The following RABGEF1 variants were observed in gnomAD, a reference collection of about 807,000 sequenced individuals.
The protein encoded by RABGEF1 is rab5 GDP/GTP exchange factor.
In RABGEF1, 26 loss-of-function variants were observed where a neutral mutation model predicts 57.3. The observed-to-expected ratio is 0.45, with a 90% CI of 0.33 to 0.63. The LOEUF (loss-of-function observed/expected upper bound fraction) is 0.63, where lower values mean the gene tolerates loss of function less well. RABGEF1 is among the 20% of genes least tolerant of loss of function. The pLI, the probability that RABGEF1 is intolerant of heterozygous loss-of-function variation, is 0.02. For missense variants in RABGEF1, 464 were observed against 607.6 expected, an observed-to-expected ratio of 0.76 and a Z score of 2.48; for synonymous variants, 185 against 210.7, an observed-to-expected ratio of 0.88 and a Z score of 1.06.
chr7:66,666,140 G>A, the RABGEF1 span: 1 of 152,422 alleles, frequency 6.6e-6, no homozygotes, highest in East Asian at 1.9e-4. Context: ...GGGGCAGAAT[G>A]TCAGCCGGCA....
intron 1 of RABGEF1, among the ~76,000 whole-genome samples, chr7:66,708,349 G>A (rs1229403885): frequency 4.6e-5 from 7 of 151,574 alleles, no homozygotes; most frequent in African/African-American, 1.7e-4. Context: ...GTGCAGTGGC[G>A]CAATCTTGGC....
intron 1 of RABGEF1, among the ~76,000 whole-genome samples, chr7:66,690,063 A>G (rs908673741): frequency 2.0e-5 from 3 of 151,256 alleles, no homozygotes; most frequent in Non-Finnish European, 4.4e-5. Flanking sequence ...CAAGAAAACA[A>G]CTGATCAATA....
intron 1 of RABGEF1, among the ~76,000 whole-genome samples, chr7:66,745,206 T>A (rs1290360149): frequency 6.8e-6 from 1 of 147,398 alleles, no homozygotes; most frequent in African/African-American, 2.5e-5. Flanking sequence ...AAAAAAAAAA[T>A]GATATCAGTA....
rs1156551002 is a variant in RABGEF1, at chr7:66,729,495, C to CATCCTCACCTTCAACCTCACCTTT, written c.-814-10463_-814-10440dup. Among the ~76,000 whole-genome samples, 100 of 152,342 alleles carry CATCCTCACCTTCAACCTCACCTTT rather than the reference C, an allele frequency of 6.6e-4. 1 individual carries two copies. The highest frequency in any genetic ancestry group is 2.5e-3 in the South Asian group (12 of 4,826). On this transcript the variant is annotated intron_variant and NMD_transcript_variant, in intron 2 of 9. Coordinates refer to the RABGEF1 transcript ENST00000607882. ...TCCTCCTGCTCTCCATCCTCACCTCCATCCTCACCTTCAACCTCACCTTTA... is the reference window on the plus strand; with the variant it reads ...TCCTCCTGCTCTCCATCCTCACCTCCATCCTCACCTTCAACCTCACCTTTATCCTCACCTTCAACCTCACCTTTA...
intron 3 of RABGEF1, among the ~76,000 whole-genome samples, chr7:66,777,644 C>T (rs117333571): frequency 0.015 from 2,221 of 152,150 alleles, 59 homozygotes; most frequent in East Asian, 0.094. Flanking sequence ...ATTTCTGGAG[C>T]TGGGTGCAGT....
chr7:66,748,005 A>C (rs1011424359), intron 1 of RABGEF1, among the ~76,000 whole-genome samples: 5 of 152,322 alleles, frequency 3.3e-5, no homozygotes, highest in Non-Finnish European at 7.3e-5. Context: ...CTGAAGTCTT[A>C]AGTGCAGAGG....
chr7:66,688,292 A>C (rs577155124), intron 1 of RABGEF1, among the ~76,000 whole-genome samples: 1 of 152,270 alleles, frequency 6.6e-6, no homozygotes, highest in South Asian at 2.1e-4. Flanking sequence ...AAAGGGTAGA[A>C]TTGAAGGGAA....
the RABGEF1 span, among the ~76,000 whole-genome samples, chr7:66,671,385 G>GACC: frequency 0.1 from 15,674 of 152,178 alleles, 982 homozygotes; most frequent in South Asian, 0.2. Flanking sequence ...CATCTGTGTG[G>GACC]AGAGGAATAA....
At chr7:66,740,150 T>C (rs1388008348), upstream of RABGEF1, 1 of 152,292 alleles carries the variant, frequency 6.6e-6, no homozygotes, top group African/African-American at 2.4e-5. Context: ...TAAAATTTCT[T>C]TTGTAGAGAT....
At chr7:66,691,338 C>CT (rs1406486505) in intron 1 of RABGEF1, among the ~76,000 whole-genome samples, 1 of 152,072 alleles carries the variant, frequency 6.6e-6, no homozygotes, top group African/African-American at 2.4e-5. Flanking sequence ...TTCAAAGCAG[C>CT]TTTATTCCTA....
intron 2 of RABGEF1, among the ~76,000 whole-genome samples, chr7:66,728,430 G>C (rs1056281759): frequency 6.6e-6 from 1 of 152,114 alleles, no homozygotes; most frequent in African/African-American, 2.4e-5. Context: ...CCTGGGTCAA[G>C]AACTATTCTC....
the RABGEF1 span, among the ~76,000 whole-genome samples, chr7:66,676,548 T>G: frequency 6.6e-6 from 1 of 152,232 alleles, no homozygotes; most frequent in Non-Finnish European, 1.5e-5. Context: ...CGGACCTGTG[T>G]TGTTCAAGGG....
At chr7:66,776,543 A>G (rs1485427454) in intron 3 of RABGEF1, among the ~76,000 whole-genome samples, 1 of 152,098 alleles carries the variant, frequency 6.6e-6, no homozygotes, top group Non-Finnish European at 1.5e-5. Context: ...AAATAGAAAA[A>G]TCATCCAGGC....
the RABGEF1 span, among the ~76,000 whole-genome samples, chr7:66,672,923 G>A: frequency 6.7e-6 from 1 of 150,180 alleles, no homozygotes; most frequent in Non-Finnish European, 1.5e-5. Context: ...TTGTTTGCGG[G>A]CTGTTTGGGG....
the RABGEF1 span, among the ~76,000 whole-genome samples, chr7:66,672,105 C>T: frequency 4.6e-5 from 7 of 151,606 alleles, no homozygotes; most frequent in African/African-American, 1.2e-4. Flanking sequence ...CTGTGTCCGG[C>T]TGAGACTCTG....
At chr7:66,776,218 C>T (rs1284615631) in intron 3 of RABGEF1, among the ~76,000 whole-genome samples, 1 of 152,162 alleles carries the variant, frequency 6.6e-6, no homozygotes, top group African/African-American at 2.4e-5. Flanking sequence ...TCACTTGCTC[C>T]CCAGTTCCTA....
At chr7:66,753,348 G>A (rs898245924) in intron 1 of RABGEF1, among the ~76,000 whole-genome samples, 1 of 152,150 alleles carries the variant, frequency 6.6e-6, no homozygotes, top group African/African-American at 2.4e-5. Flanking sequence ...CCCAGAGTTC[G>A]ATGTAAATTT....
intron 1 of RABGEF1, among the ~76,000 whole-genome samples, chr7:66,745,332 G>A (rs557156747): frequency 6.6e-6 from 1 of 152,168 alleles, no homozygotes; most frequent in African/African-American, 2.4e-5. Flanking sequence ...TGGCATGTGG[G>A]TTTTTATTGG....
At chr7:66,689,383 GTAAT>G (rs1220601412) in intron 1 of RABGEF1, among the ~76,000 whole-genome samples, 1 of 151,878 alleles carries the variant, frequency 6.6e-6, no homozygotes, top group Non-Finnish European at 1.5e-5. Context: ...TAACTTTACA[GTAAT>G]TAAAGTGATT....
Sources: gnomAD v4.1 joint callset for allele counts (sites outside exome capture counted in the v4.1 genomes callset) on GRCh38, gnomAD v4.1.1 for gene constraint, MANE v1.5 for transcripts, NCBI Gene and HGNC (gene_info 2026-07-23, HGNC 2026-07-21) for gene names.